Variants in SKAP1 observed in about 807,000 individuals in gnomAD.
The protein encoded by SKAP1 is src kinase-associated phosphoprotein 1.
Under a neutral mutation model 58.5 loss-of-function variants are expected in SKAP1, and 44 were observed. The observed-to-expected ratio is 0.75, with a 90% CI of 0.59 to 0.97. The LOEUF is 0.97. Ranked by LOEUF, SKAP1 falls within the 50% of genes least tolerant of loss-of-function variation. The pLI, the probability that SKAP1 is intolerant of heterozygous loss-of-function variation, is 0.00. For synonymous variants in SKAP1, 127 were observed against 149.7 expected (o/e 0.85, Z 1.11); for missense variants, 390 against 435.2 (o/e 0.90, Z 0.92).
chr17:48,234,311 T>C (rs962493854), intron 4 of SKAP1, among the ~76,000 whole-genome samples: 1 of 152,244 alleles, frequency 6.6e-6, no homozygotes, highest in African/African-American at 2.4e-5. Context: ...CAGAATATTT[T>C]AATTATTCCT....
At chr17:48,182,529 G>T in intron 7 of SKAP1, 72 bp from the exon 8 acceptor site, 1 of 1,070,728 alleles carries the variant, frequency 9.3e-7, no homozygotes, top group Non-Finnish European at 1.4e-6. Flanking sequence ...GGATGTCCAA[G>T]GGGGAGGAAC....
rs2063993923 is a variant in SKAP1, at chr17:48,157,436, T to C, written c.978+5033A>G. 5.3e-5 allele frequency among the ~76,000 whole-genome samples: 8 copies of C among 152,012 alleles called. No homozygotes were observed. The South Asian group carries it at 1.7e-3, about 32-fold the overall frequency. On this transcript the variant is annotated intron_variant, in intron 11 of 12. Coordinates refer to ENST00000336915, the MANE Select transcript of SKAP1 (RefSeq NM_003726.4). ...TTTTAGTAGAGACGGGGTTTCACCA[T>C]GTTGGCCAGGCTGGTCTTGAACTCC... is the stretch of plus-strand genomic sequence containing the variant.
At chr17:48,372,081 C>T (rs569267602) in intron 2 of SKAP1, among the ~76,000 whole-genome samples, 2 of 151,906 alleles carry the variant, frequency 1.3e-5, no homozygotes, top group Non-Finnish European at 2.9e-5. Flanking sequence ...ACGCGATTCT[C>T]GTACCTCAGC....
chr17:48,405,356 C>G (rs190604290), intron 1 of SKAP1, among the ~76,000 whole-genome samples: 119 of 152,164 alleles, frequency 7.8e-4, no homozygotes, highest in Non-Finnish European at 1.4e-3. Flanking sequence ...GGCATACATC[C>G]TCAAAACCCA....
intron 11 of SKAP1, among the ~76,000 whole-genome samples, chr17:48,155,396 G>A (rs1002781448): frequency 6.6e-6 from 1 of 151,568 alleles, no homozygotes; most frequent in Non-Finnish European, 1.5e-5. Context: ...CCAAAGTGCT[G>A]GGTGAGCCAC....
At chr17:48,247,180 C>T (rs1209716311) in intron 4 of SKAP1, among the ~76,000 whole-genome samples, 1 of 152,166 alleles carries the variant, frequency 6.6e-6, no homozygotes, top group African/African-American at 2.4e-5. Flanking sequence ...CATTTCACTT[C>T]CAAGTATGCA....
rs151061504 is a variant in SKAP1 at position 48,294,055 on chromosome 17, G to A, written c.280+51850C>T. On this transcript the variant is annotated intron_variant, in intron 4 of 12. Coordinates refer to ENST00000336915, the MANE Select transcript of SKAP1 (RefSeq NM_003726.4). Reference sequence around the variant, plus strand: ...TGTTCCAGGCTGCCTGGATTGTGGGGATGTATTCACCTTCTGGTAACTCTC... The same window carrying A: ...TGTTCCAGGCTGCCTGGATTGTGGGAATGTATTCACCTTCTGGTAACTCTC... Among the ~76,000 whole-genome samples, 144 of 152,292 alleles carry A rather than the reference G, an allele frequency of 9.5e-4. 1 individual carries two copies. Among genetic ancestry groups the A allele is most frequent in the South Asian group, 5.2e-3 (25 of 4,820 alleles).
intron 6 of SKAP1, chr17:48,185,114 A>C (rs2064430192): frequency 5.3e-6 from 2 of 374,102 alleles, no homozygotes; most frequent in Non-Finnish European, 9.6e-6. Context: ...GAATGTTAAG[A>C]GATCTATAAC....
intron 4 of SKAP1, among the ~76,000 whole-genome samples, chr17:48,273,267 A>G (rs1399255061): frequency 6.6e-6 from 1 of 152,204 alleles, no homozygotes; most frequent in Admixed American, 6.5e-5. Flanking sequence ...TGGGCCATCA[A>G]GCATACCAGA....
At chr17:48,351,637 A>G (rs559265433) in intron 3 of SKAP1, among the ~76,000 whole-genome samples, 2 of 152,286 alleles carry the variant, frequency 1.3e-5, no homozygotes, top group Admixed American at 1.3e-4. Context: ...AGTAAATTGA[A>G]CCTAAGACTA....
upstream of SKAP1, among the ~76,000 whole-genome samples, chr17:48,434,756 C>G (rs2067932197): frequency 6.6e-6 from 1 of 152,190 alleles, no homozygotes; most frequent in Non-Finnish European, 1.5e-5. Context: ...AGGTACAAAG[C>G]TCTTGTAGAA....
chr17:48,148,857 G>T (rs2063865328), intron 11 of SKAP1, among the ~76,000 whole-genome samples: 1 of 152,164 alleles, frequency 6.6e-6, no homozygotes, highest in East Asian at 1.9e-4. Context: ...TTGCCTTAAG[G>T]TTATTGAGGT....
chr17:48,198,326 G>A (rs1194816780), intron 4 of SKAP1, among the ~76,000 whole-genome samples: 1 of 151,730 alleles, frequency 6.6e-6, no homozygotes, highest in African/African-American at 2.4e-5. Flanking sequence ...GTGTTGGCGG[G>A]CGCCTGTAGT....
At chr17:48,367,561 CATATAT>C (rs143641420) in intron 2 of SKAP1, among the ~76,000 whole-genome samples, 1 of 142,174 alleles carries the variant, frequency 7.0e-6, no homozygotes, top group South Asian at 2.2e-4. Flanking sequence ...GATATATATC[CATATAT>C]ATATATATAT....
At chr17:48,216,689 G>A (rs753432028) in intron 4 of SKAP1, among the ~76,000 whole-genome samples, 2 of 151,926 alleles carry the variant, frequency 1.3e-5, no homozygotes, top group Non-Finnish European at 2.9e-5. Context: ...ACAGGGTTTC[G>A]CCATGTTATC....
chr17:48,338,055 C>CTT (rs1169444699), intron 4 of SKAP1, among the ~76,000 whole-genome samples: 2 of 151,434 alleles, frequency 1.3e-5, no homozygotes, highest in African/African-American at 4.9e-5. Context: ...CTTCCTTCTT[C>CTT]ACTTAGTTCC....
intron 11 of SKAP1, among the ~76,000 whole-genome samples, chr17:48,150,877 C>G (rs993765563): frequency 6.6e-5 from 10 of 152,190 alleles, no homozygotes; most frequent in African/African-American, 2.4e-4. Flanking sequence ...CTGGAATCCA[C>G]GTCCAAGTTC....
At chr17:48,381,915 G>T (rs1166846114) in intron 2 of SKAP1, among the ~76,000 whole-genome samples, 1 of 152,168 alleles carries the variant, frequency 6.6e-6, no homozygotes, top group Non-Finnish European at 1.5e-5. Context: ...GAATGAAGTT[G>T]CATTATTCAC....
At chr17:48,218,906 G>T (rs1170213422) in intron 4 of SKAP1, among the ~76,000 whole-genome samples, 1 of 152,090 alleles carries the variant, frequency 6.6e-6, no homozygotes, top group African/African-American at 2.4e-5. Context: ...CCCTCATGGG[G>T]TGGCCATGTG....
Sources: gnomAD v4.1 joint callset for allele counts (sites outside exome capture counted in the v4.1 genomes callset) on GRCh38, gnomAD v4.1.1 for gene constraint, MANE v1.5 for transcripts, NCBI Gene and HGNC (gene_info 2026-07-23, HGNC 2026-07-21) for gene names.